The following CAST variants were observed in gnomAD, a reference collection of about 807,000 sequenced individuals.
The protein encoded by CAST is calpastatin.
CAST carries 76 observed loss-of-function variants against 119.6 expected under a neutral mutation model. The ratio of observed to expected loss-of-function variants is 0.64; its 90% CI spans 0.53 to 0.77. The LOEUF (loss-of-function observed/expected upper bound fraction) is 0.77, where lower values mean the gene tolerates loss of function less well. CAST is among the 30% of genes least tolerant of loss of function. The pLI is 0.00. For missense variants in CAST, 953 were observed against 946.5 expected, an observed-to-expected ratio of 1.01 and a Z score of -0.09; for synonymous variants, 319 against 331.6, an observed-to-expected ratio of 0.96 and a Z score of 0.41.
chr5:96,642,306 T>C (rs1451662617), intron 1 of CAST, among the ~76,000 whole-genome samples: 1 of 152,214 alleles, frequency 6.6e-6, no homozygotes, highest in Non-Finnish European at 1.5e-5. Context: ...ACATAATATG[T>C]CCTCAATAAA....
At chr5:96,197,935 T>A in the CAST span, among the ~76,000 whole-genome samples, 3 of 152,172 alleles carry the variant, frequency 2.0e-5, no homozygotes, top group Non-Finnish European at 4.4e-5. Context: ...ATTTTTGTAT[T>A]TTTTGTAGAG....
the CAST span, among the ~76,000 whole-genome samples, chr5:96,236,494 G>A: frequency 6.6e-6 from 1 of 152,066 alleles, no homozygotes. Flanking sequence ...CCTTTCCTTT[G>A]CCCAGCATGA....
intron 3 of CAST, among the ~76,000 whole-genome samples, chr5:96,703,602 AG>A (rs1406050616): frequency 6.6e-6 from 1 of 152,214 alleles, no homozygotes; most frequent in Non-Finnish European, 1.5e-5. Flanking sequence ...ACACACAGGC[AG>A]GGGGAAGTTC....
At chr5:96,397,119 T>TC in the CAST span, among the ~76,000 whole-genome samples, 1 of 152,196 alleles carries the variant, frequency 6.6e-6, no homozygotes, top group Non-Finnish European at 1.5e-5. Context: ...TAAGTGTTTT[T>TC]CCCCCTCTTA....
At chr5:96,689,777 G>A (rs1335438447) in intron 2 of CAST, among the ~76,000 whole-genome samples, 1 of 152,138 alleles carries the variant, frequency 6.6e-6, no homozygotes, top group Non-Finnish European at 1.5e-5. Context: ...ATATTATGAA[G>A]TCTACCTTAT....
the CAST span, among the ~76,000 whole-genome samples, chr5:96,317,946 A>G: frequency 6.6e-6 from 1 of 152,234 alleles, no homozygotes; most frequent in Admixed American, 6.5e-5. Flanking sequence ...AGATCAGCAA[A>G]TAGCTCAAAT....
At chr5:96,348,646 T>C in the CAST span, among the ~76,000 whole-genome samples, 1 of 151,894 alleles carries the variant, frequency 6.6e-6, no homozygotes, top group African/African-American at 2.4e-5. Context: ...AGTTCATGGG[T>C]TGGAGAAAGT....
chr5:96,563,619 T>G (rs938371980), intron 1 of CAST, among the ~76,000 whole-genome samples: 2 of 151,876 alleles, frequency 1.3e-5, no homozygotes, highest in African/African-American at 2.4e-5. Context: ...AGATACTTTT[T>G]GAATTTTATA....
At chr5:96,720,895 C>T (rs1311591825) in intron 3 of CAST, among the ~76,000 whole-genome samples, 1 of 152,056 alleles carries the variant, frequency 6.6e-6, no homozygotes, top group African/African-American at 2.4e-5. Context: ...GTTGGTGTTG[C>T]ATGGTTGAGG....
At chr5:96,479,252 G>T in the CAST span, among the ~76,000 whole-genome samples, 1 of 152,126 alleles carries the variant, frequency 6.6e-6, no homozygotes, top group Admixed American at 6.6e-5. Context: ...TCATATCACT[G>T]GTAGCTGCTT....
At chr5:96,358,612 C>A in the CAST span, among the ~76,000 whole-genome samples, 1 of 152,174 alleles carries the variant, frequency 6.6e-6, no homozygotes, top group East Asian at 1.9e-4. Context: ...CAGGAGCAGG[C>A]TGTTCAGTTT....
At chr5:96,616,749 TATATACACAC>T (rs1436139306) in intron 1 of CAST, among the ~76,000 whole-genome samples, 2 of 115,892 alleles carry the variant, frequency 1.7e-5, no homozygotes, top group Non-Finnish European at 1.8e-5. Flanking sequence ...TCTCTCTATA[TATATACACAC>T]ACACACACAC....
chr5:95,991,631 GAGTA>G, the CAST span, among the ~76,000 whole-genome samples: 1 of 149,524 alleles, frequency 6.7e-6, no homozygotes, highest in African/African-American at 2.5e-5. Flanking sequence ...TCAGCCTCCT[GAGTA>G]GCTGGGATTA....
the CAST span, among the ~76,000 whole-genome samples, chr5:95,991,804 C>T: frequency 2.7e-4 from 41 of 151,910 alleles, no homozygotes; most frequent in Non-Finnish European, 2.2e-4. Context: ...CCGTACCTGG[C>T]CAACAATATA....
chr5:96,256,194 C>T, the CAST span, among the ~76,000 whole-genome samples: 1 of 147,988 alleles, frequency 6.8e-6, no homozygotes, highest in African/African-American at 2.5e-5. Context: ...GTATATATTA[C>T]ATATTATATA....
chr5:96,481,706 G>A, the CAST span, among the ~76,000 whole-genome samples: 1 of 152,134 alleles, frequency 6.6e-6, no homozygotes, highest in Non-Finnish European at 1.5e-5. Flanking sequence ...CACATGAAAA[G>A]GGAAATAAGT....
At chr5:96,402,824 A>G in the CAST span, among the ~76,000 whole-genome samples, 9 of 152,136 alleles carry the variant, frequency 5.9e-5, no homozygotes, top group Admixed American at 2.0e-4. Flanking sequence ...AGAGTGACTG[A>G]CAGAGAGGCC....
At chr5:96,159,706 C>T in the CAST span, among the ~76,000 whole-genome samples, 1 of 152,078 alleles carries the variant, frequency 6.6e-6, no homozygotes, top group Non-Finnish European at 1.5e-5. Flanking sequence ...AGTAGATATA[C>T]TTCACTATTT....
intron 1 of CAST, among the ~76,000 whole-genome samples, chr5:96,560,649 G>C (rs1449611507): frequency 6.6e-6 from 1 of 152,192 alleles, no homozygotes; most frequent in African/African-American, 2.4e-5. Context: ...AAACCACAAT[G>C]AGATACCATC....
Sources: gnomAD v4.1 joint callset for allele counts (sites outside exome capture counted in the v4.1 genomes callset) on GRCh38, gnomAD v4.1.1 for gene constraint, MANE v1.5 for transcripts, NCBI Gene and HGNC (gene_info 2026-07-23, HGNC 2026-07-21) for gene names.